The following MEGF6 variants were observed in gnomAD, a reference collection of about 807,000 sequenced individuals.
The protein encoded by MEGF6 is multiple EGF like domains 6, also known as multiple epidermal growth factor-like domains protein 6.
In MEGF6, 184 loss-of-function variants were observed where a neutral mutation model predicts 207.1. The observed-to-expected ratio is 0.89, with a 90% CI of 0.79 to 1.00. MEGF6 has a LOEUF of 1.00. Ranked by LOEUF, MEGF6 falls within the 50% of genes least tolerant of loss-of-function variation. MEGF6 has a pLI of 0.00. For synonymous variants in MEGF6, 1,038 were observed against 910.0 expected (o/e 1.14, Z -2.53); for missense variants, 2,282 against 2,202.9 (o/e 1.04, Z -0.72).
rs79378951 is a variant in MEGF6, at chr1:3,590,181, G to A, written c.376+5157C>T. Among the ~76,000 whole-genome samples, 1,141 of 152,358 alleles carry A rather than the reference G, an allele frequency of 7.5e-3. 14 individuals carry two copies. Among genetic ancestry groups the A allele is most frequent in the African/African-American group, 0.026 (1,096 of 41,578 alleles). On this transcript the variant is annotated intron_variant, in intron 3 of 36. Coordinates refer to ENST00000356575, the MANE Select transcript of MEGF6 (RefSeq NM_001409.4). ...TTCCTCCACGGTTCCATCTCAGGGT[G>A]TACATGCGGAAGGACCAGCGAGTCA...
rs796789160 is a variant in MEGF6, at chr1:3,501,293, C to T, written c.2330G>A (p.Arg777His). ...EDCEADCPEG[R>H]WGLGCQEICP... ...GATCTCCTGGCAGCCCAGCCCCCAGCGGCCCTCGGGACAATCTAGTGCCCA... is the reference window on the plus strand; with the variant it reads ...GATCTCCTGGCAGCCCAGCCCCCAGTGGCCCTCGGGACAATCTAGTGCCCA... The change falls in exon 19 of 37, where the codon CGC becomes CAC. Residue 777 changes from arginine to histidine, a missense_variant. Coordinates refer to ENST00000356575, the MANE Select transcript of MEGF6 (RefSeq NM_001409.4). 1.3e-5 allele frequency: 21 copies of T among 1,599,378 alleles called. No individual in the cohort carries two copies. The highest frequency in any genetic ancestry group is 9.4e-5 in the African/African-American group (7 of 74,586).
chr1:3,564,833 A>G (rs1643301549), intron 4 of MEGF6, among the ~76,000 whole-genome samples: 1 of 151,724 alleles, frequency 6.6e-6, no homozygotes, highest in Non-Finnish European at 1.5e-5. Flanking sequence ...AGGTCCTCAC[A>G]CAGACAGACC....
chr1:3,561,744 G>A (rs902638189), intron 4 of MEGF6, among the ~76,000 whole-genome samples: 3 of 152,198 alleles, frequency 2.0e-5, no homozygotes, highest in African/African-American at 7.2e-5. Flanking sequence ...CGGGGCACAC[G>A]GCAGGGAAGC....
In MEGF6 at chr1:3,565,375, G is replaced by T. The variant is rs953147200; in HGVS notation, c.481+14450C>A. On this transcript the variant is annotated intron_variant, in intron 4 of 36. Coordinates refer to ENST00000356575, the MANE Select transcript of MEGF6 (RefSeq NM_001409.4). This position sits in a 1 kb window ranked among gnomAD's most constrained non-coding sequence, Gnocchi z 4.8. ...TCCTAGCTGGACCTTAAAACCCCCC[G>T]GGTCCTGGTGCCTGCTCTGGCCTCT... Among the ~76,000 whole-genome samples, 1 of 152,112 alleles carries T rather than the reference G, an allele frequency of 6.6e-6. No homozygotes were observed. The highest frequency in any genetic ancestry group is 2.4e-5 in the African/African-American group (1 of 41,418).
intron 4 of MEGF6, among the ~76,000 whole-genome samples, chr1:3,544,305 G>A (rs1642633715): frequency 6.9e-6 from 1 of 145,746 alleles, no homozygotes; most frequent in African/African-American, 2.8e-5. Flanking sequence ...ACCAGGCTCT[G>A]GAGCCCACAG....
chr1:3,520,606 C>A (rs1238149842), intron 5 of MEGF6, among the ~76,000 whole-genome samples: 2 of 152,034 alleles, frequency 1.3e-5, no homozygotes, highest in African/African-American at 2.4e-5. Context: ...ATGGGGCACA[C>A]CAGGACTCGG....
chr1:3,502,077 G>A (rs897731599), intron 17 of MEGF6, among the ~76,000 whole-genome samples, 156 bp from the exon 18 acceptor site: 7 of 152,300 alleles, frequency 4.6e-5, no homozygotes, highest in African/African-American at 1.2e-4. Flanking sequence ...GGCTCCTGGC[G>A]AGTGTGCCCC....
chr1:3,518,987 C>G (rs1427167650), intron 5 of MEGF6, among the ~76,000 whole-genome samples: 2 of 152,238 alleles, frequency 1.3e-5, no homozygotes, highest in East Asian at 3.9e-4. Context: ...CTCGTCCACA[C>G]GCCAAGGGGT....
intron 4 of MEGF6, among the ~76,000 whole-genome samples, chr1:3,578,327 C>T (rs867841447): frequency 6.6e-6 from 1 of 152,366 alleles, no homozygotes; most frequent in South Asian, 2.1e-4. Flanking sequence ...CGGAAAGGCC[C>T]TCGGGACATT....
chr1:3,494,029 G>A lies in MEGF6; in HGVS notation c.4225C>T (p.Pro1409Ser). 6.2e-7 allele frequency: 1 copy of A among 1,609,464 alleles called. No homozygotes were observed. The highest frequency in any genetic ancestry group is 8.5e-7 in the Non-Finnish European group (1 of 1,178,620). ...CAGAAGTGGCCGTGGAAGCCGGCAG[G>A]GCAGAGGCATCGGCCACTGATGGGG... ...CDPISGRCLC[P>S]AGFHGHFCER... Residue 1409 changes from proline to serine, a missense_variant, in exon 33 of 37, where the codon CCT becomes TCT. By Grantham distance (74) the Pro-to-Ser change is moderately conservative. Coordinates refer to ENST00000356575, the MANE Select transcript of MEGF6 (RefSeq NM_001409.4).
chr1:3,571,452 C>CGCTGGGTCCTCCCCAAGGGT (rs1201510750), intron 4 of MEGF6, among the ~76,000 whole-genome samples: 2 of 151,976 alleles, frequency 1.3e-5, no homozygotes, highest in East Asian at 1.9e-4. Context: ...CCCCCAGACA[C>CGCTGGGTCCTCCCCAAGGGT]GCTGGGTCCT....
chr1:3,608,595 G>C (rs114385603), intron 1 of MEGF6, among the ~76,000 whole-genome samples: 1 of 152,190 alleles, frequency 6.6e-6, no homozygotes, highest in South Asian at 2.1e-4. Context: ...TAGCACAGCT[G>C]CCCAGAGGGG....
chr1:3,522,967 G>A (rs1419193196), intron 5 of MEGF6, among the ~76,000 whole-genome samples: 1 of 152,204 alleles, frequency 6.6e-6, no homozygotes, highest in Non-Finnish European at 1.5e-5. Context: ...CCGTTGTCCG[G>A]AAGCACATCA....
chr1:3,582,386 C>T (rs1007615563), intron 3 of MEGF6, among the ~76,000 whole-genome samples: 1 of 152,188 alleles, frequency 6.6e-6, no homozygotes, highest in Non-Finnish European at 1.5e-5. Context: ...TCACCTGCAT[C>T]CCGTCCAAAG....
chr1:3,601,918 C>T (rs975724791), intron 2 of MEGF6, among the ~76,000 whole-genome samples: 8 of 152,246 alleles, frequency 5.3e-5, no homozygotes, highest in African/African-American at 1.9e-4. Flanking sequence ...TCCTGCCTTC[C>T]CTCCCACAGA....
At chr1:3,609,900 C>T (rs1644302536) in intron 1 of MEGF6, among the ~76,000 whole-genome samples, 1 of 152,232 alleles carries the variant, frequency 6.6e-6, no homozygotes, top group African/African-American at 2.4e-5. Context: ...TCCACCTCCG[C>T]CAAGCAGCAG....
intron 3 of MEGF6, among the ~76,000 whole-genome samples, chr1:3,587,305 C>T (rs950142114): frequency 3.9e-5 from 6 of 152,258 alleles, no homozygotes; most frequent in Non-Finnish European, 7.3e-5. Flanking sequence ...GCCCCGAAGG[C>T]TCTGCCACAT....
At chr1:3,611,015 C>A (rs1644317596) in intron 1 of MEGF6, 123 bp downstream of exon 1, 2 of 1,255,858 alleles carry the variant, frequency 1.6e-6, no homozygotes, top group South Asian at 1.9e-5. Flanking sequence ...CCCCAGTTAA[C>A]GCAAACAGCC....
Position 3,594,612 on chromosome 1 carries a change from C to A in MEGF6, c.376+726G>T, listed in dbSNP as rs1228995965. 6.6e-6 allele frequency among the ~76,000 whole-genome samples: 1 copy of A among 152,118 alleles called. No homozygotes were observed. The highest frequency in any genetic ancestry group is 1.5e-5 in the Non-Finnish European group (1 of 68,028). On this transcript the variant is annotated intron_variant, in intron 3 of 36. Coordinates refer to ENST00000356575, the MANE Select transcript of MEGF6 (RefSeq NM_001409.4). This position sits in a 1 kb window ranked among gnomAD's most constrained non-coding sequence, Gnocchi z 4.2. ...ACCCCTCCCAGGGAGGGACACTGACCCCTTTGCCCAGGCGGTTTCACTGGC... is the reference window on the plus strand; with the variant it reads ...ACCCCTCCCAGGGAGGGACACTGACACCTTTGCCCAGGCGGTTTCACTGGC...
Sources: allele counts gnomAD v4.1 joint callset (sites outside exome capture counted in the v4.1 genomes callset), GRCh38; gene constraint gnomAD v4.1.1; non-coding constraint Gnocchi (gnomAD v3.1); transcripts MANE v1.5; gene names NCBI Gene and HGNC (gene_info 2026-07-23, HGNC 2026-07-21).